The following JADE3 variants were observed in gnomAD, a reference collection of about 807,000 sequenced individuals.
JADE3 encodes the protein protein Jade-3.
JADE3 carries 2 observed loss-of-function variants against 50.1 expected under a neutral mutation model. The observed-to-expected ratio is 0.04, with a 90% confidence interval of 0.02 to 0.13. JADE3 has a LOEUF of 0.13. Among genes scored for constraint, JADE3 ranks in the 10% least tolerant of loss-of-function variants. The pLI, the probability that JADE3 is intolerant of heterozygous loss-of-function variation, is 1.00. For synonymous variants in JADE3, 218 were observed against 232.9 expected (o/e 0.94, Z 0.58); for missense variants, 475 against 634.4 (o/e 0.75, Z 2.70).
chrX:46,951,732 G>C (rs1366563183), intron 1 of JADE3, among the ~76,000 whole-genome samples: 1 of 109,083 alleles, frequency 9.2e-6, no homozygotes, highest in Non-Finnish European at 1.9e-5. Context: ...TTTTCGTTTA[G>C]ATTGGCCAGT....
At chrX:47,041,793 A>G (rs1348523762) in intron 8 of JADE3, among the ~76,000 whole-genome samples, 11 of 108,816 alleles carry the variant, frequency 1.0e-4, no homozygotes, top group Non-Finnish European at 5.7e-5. Context: ...CCCCTGCCTC[A>G]GCCTCCCAAG....
Position 46,984,944 on chromosome X carries a change from A to C in JADE3, c.46+4A>C. ...AGCAGTGACAGTTCAGACGAAAGTG[A>C]GTAGAACCGGCTGGCAGCTGGTAAC... On this transcript the variant is annotated splice_donor_region_variant and intron_variant, in intron 2 of 10. Coordinates refer to ENST00000614628, the MANE Select transcript of JADE3 (RefSeq NM_014735.5). 1 of 1,199,169 alleles carries C rather than the reference A, an allele frequency of 8.3e-7. No individual in the cohort carries two copies. Among genetic ancestry groups the C allele is most frequent in the Non-Finnish European group, 1.1e-6 (1 of 884,090 alleles).
chrX:46,944,623 A>T (rs1926841589), intron 1 of JADE3, among the ~76,000 whole-genome samples: 1 of 109,841 alleles, frequency 9.1e-6, no homozygotes, highest in African/African-American at 3.3e-5. Flanking sequence ...TCACTTCTTG[A>T]TATAGGCATT....
intron 3 of JADE3, among the ~76,000 whole-genome samples, chrX:46,994,022 G>A (rs1295574206): frequency 2.7e-5 from 3 of 111,759 alleles, no homozygotes; most frequent in Non-Finnish European, 5.6e-5. Context: ...AATCAAAATT[G>A]TTCAATCTCT....
chrX:47,003,834 A>G, intron 4 of JADE3, among the ~76,000 whole-genome samples: 1 of 101,525 alleles, frequency 9.8e-6, no homozygotes, highest in Non-Finnish European at 2.0e-5. Context: ...AAATTTATAT[A>G]TATTTATAAA....
chrX:47,031,716 T>C (rs1047688456), intron 6 of JADE3, among the ~76,000 whole-genome samples: 14 of 110,068 alleles, frequency 1.3e-4, no homozygotes, highest in Non-Finnish European at 2.3e-4. Flanking sequence ...TCTACAAAAA[T>C]TAGCTGGGCA....
chrX:46,999,487 A>ACATATATATACATATATAACAT (rs1556358444), intron 4 of JADE3, among the ~76,000 whole-genome samples: 5 of 103,191 alleles, frequency 4.8e-5, no homozygotes, highest in African/African-American at 1.4e-4. Context: ...ATATATATAA[A>ACATATATATACATATATAACAT]ATAGGGTCTT....
chrX:47,035,144 C>G (rs970369741), intron 7 of JADE3, among the ~76,000 whole-genome samples: 37 of 110,601 alleles, frequency 3.3e-4, no homozygotes, highest in Non-Finnish European at 9.4e-5. Context: ...CTCATGCCCT[C>G]TCTCCCCAGC....
intron 1 of JADE3, among the ~76,000 whole-genome samples, chrX:46,919,308 A>G (rs1400474366): frequency 9.0e-6 from 1 of 111,726 alleles, no homozygotes; most frequent in East Asian, 2.8e-4. Flanking sequence ...AGACTCTACT[A>G]GATTTTGTGG....
chrX:47,049,466 C>CTT (rs1172608413), intron 8 of JADE3, among the ~76,000 whole-genome samples: 1 of 97,027 alleles, frequency 1.0e-5, no homozygotes, highest in East Asian at 3.3e-4. Context: ...GCGCCCAACC[C>CTT]TTTTTTTTTT....
intron 9 of JADE3, among the ~76,000 whole-genome samples, chrX:47,055,481 A>G (rs1556373211): frequency 8.9e-6 from 1 of 112,205 alleles, no homozygotes; most frequent in African/African-American, 3.2e-5. Flanking sequence ...ATATTAATTC[A>G]TTTAATTCTA....
rs782260388 is a variant in JADE3, at chrX:47,034,634, C to G, written c.855+846C>G. On this transcript the variant is annotated intron_variant, in intron 7 of 10. Coordinates refer to ENST00000614628, the MANE Select transcript of JADE3 (RefSeq NM_014735.5). The stretch of plus-strand genomic sequence containing the variant: ...TTTATTTTTGAGACAGAGTCTCGCT[C>G]TGTCACCCAGGCTGGAGTGCAGTGG... 1.1e-4 allele frequency among the ~76,000 whole-genome samples: 12 copies of G among 110,226 alleles called. No homozygotes were observed. The South Asian group carries it at 4.3e-3, about 40-fold the overall frequency.
intron 1 of JADE3, among the ~76,000 whole-genome samples, chrX:46,945,923 T>A (rs1245713442): frequency 9.0e-6 from 1 of 111,401 alleles, no homozygotes; most frequent in Non-Finnish European, 1.9e-5. Context: ...CAGGTGAGAA[T>A]CCTCCTGGTG....
intron 1 of JADE3, among the ~76,000 whole-genome samples, chrX:46,917,862 T>TCACC (rs1569533776): frequency 4.2e-5 from 3 of 71,602 alleles, no homozygotes; most frequent in Admixed American, 1.6e-4. Context: ...TCTCATCCTC[T>TCACC]CTCTCTCTCT....
intron 3 of JADE3, 126 bp downstream of exon 3, chrX:46,985,918 G>T: frequency 2.0e-6 from 1 of 490,808 alleles, no homozygotes; most frequent in Non-Finnish European, 3.6e-6. Context: ...TGGATCATGG[G>T]AATATATCCC....
rs138703801 is a variant in JADE3 at position 46,918,118 on chromosome X, G to A, written c.-12+5399G>A. ...CTGGAAGAAGCTGGTCCTTCAGAAT[G>A]CTTCTAGAAGGAGGTTTAATTAGGC... On this transcript the variant is annotated intron_variant, in intron 1 of 10. Transcript: ENST00000614628. Among the ~76,000 whole-genome samples the A allele has an allele frequency of 4.6e-3, 513 of 111,369 alleles. 2 individuals carry two copies. Among genetic ancestry groups the A allele is most frequent in the African/African-American group, 0.016 (492 of 30,588 alleles).
At chrX:47,046,599 A>G (rs1929382765) in intron 8 of JADE3, among the ~76,000 whole-genome samples, 1 of 112,480 alleles carries the variant, frequency 8.9e-6, no homozygotes, top group Non-Finnish European at 1.9e-5. Flanking sequence ...ACAGGCCAGT[A>G]TTCTGGATGA....
intron 1 of JADE3, among the ~76,000 whole-genome samples, chrX:46,954,617 C>T (rs990978139): frequency 9.0e-6 from 1 of 111,141 alleles, no homozygotes; most frequent in Non-Finnish European, 1.9e-5. Context: ...TGCAGTGGTG[C>T]GATCTCGGCT....
intron 4 of JADE3, among the ~76,000 whole-genome samples, chrX:47,013,447 A>G (rs1928605725): frequency 8.9e-6 from 1 of 112,241 alleles, no homozygotes; most frequent in Non-Finnish European, 1.9e-5. Context: ...TTAAAAGTTA[A>G]TGGAATAATG....
Sources: allele counts gnomAD v4.1 joint callset (sites outside exome capture counted in the v4.1 genomes callset), GRCh38; gene constraint gnomAD v4.1.1; transcripts MANE v1.5; gene names NCBI Gene and HGNC (gene_info 2026-07-23, HGNC 2026-07-21).